NEBL: variants seen among roughly 807,000 people sequenced by gnomAD.
NEBL encodes the protein nebulette, also known as LIM and SH3 protein 2.
A neutral mutation model predicts 140.2 loss-of-function variants in NEBL; 122 were observed. The ratio of observed to expected loss-of-function variants is 0.87; its 90% CI spans 0.75 to 1.01. NEBL has a LOEUF of 1.01. Among genes scored for constraint, NEBL ranks in the 50% least tolerant of loss-of-function variants. The probability of loss-of-function intolerance (pLI) is 0.00; values close to 1 mark genes in which losing one functional copy is unlikely to be tolerated. For missense variants in NEBL, 1,365 were observed against 1,231.3 expected, an observed-to-expected ratio of 1.11 and a Z score of -1.62; for synonymous variants, 436 against 398.9, an observed-to-expected ratio of 1.09 and a Z score of -1.11.
At chr10:21,077,331 G>A (rs998702274) in intron 2 of NEBL, among the ~76,000 whole-genome samples, 3 of 152,094 alleles carry the variant, frequency 2.0e-5, no homozygotes, top group African/African-American at 4.8e-5. Context: ...CTGGCCGGGC[G>A]CAGTGGCTCA....
chr10:21,272,118 A>ATTTTTTTTTTTTTTTTTTTTTT (rs10678454), intron 1 of NEBL, among the ~76,000 whole-genome samples: 8 of 79,096 alleles, frequency 1.0e-4, no homozygotes, highest in Non-Finnish European at 9.3e-5. Flanking sequence ...CACTTGGTTA[A>ATTTTTTTTTTTTTTTTTTTTTT]TTTTTTTTTT....
At chr10:21,144,705 A>T (rs1839809552) in intron 2 of NEBL, among the ~76,000 whole-genome samples, 1 of 152,016 alleles carries the variant, frequency 6.6e-6, no homozygotes, top group East Asian at 1.9e-4. Flanking sequence ...CCAGCCTGGG[A>T]GACAGAGTGA....
At chr10:21,122,343 T>A (rs1838620156) in intron 2 of NEBL, among the ~76,000 whole-genome samples, 2 of 151,810 alleles carry the variant, frequency 1.3e-5, no homozygotes, top group Non-Finnish European at 2.9e-5. Context: ...CTCCCACTGT[T>A]CTATCTTGCC....
intron 2 of NEBL, among the ~76,000 whole-genome samples, chr10:21,137,390 G>A (rs1221341428): frequency 2.0e-5 from 3 of 152,154 alleles, no homozygotes; most frequent in Non-Finnish European, 2.9e-5. Context: ...TTAACTGTTC[G>A]TATAGCCTTG....
intron 3 of NEBL, among the ~76,000 whole-genome samples, chr10:21,004,254 C>T (rs1388339651): frequency 6.6e-6 from 1 of 151,822 alleles, no homozygotes; most frequent in Non-Finnish European, 1.5e-5. Context: ...CTCTAAAATG[C>T]AGACATCGTT....
chr10:20,951,686 C>T (rs1835473996), intron 4 of NEBL, among the ~76,000 whole-genome samples: 1 of 152,136 alleles, frequency 6.6e-6, no homozygotes, highest in Non-Finnish European at 1.5e-5. Flanking sequence ...TCTAAAACTT[C>T]ATTGACATTA....
At chr10:21,088,535 CCTT>C (rs1050352945) in intron 2 of NEBL, among the ~76,000 whole-genome samples, 1 of 152,146 alleles carries the variant, frequency 6.6e-6, no homozygotes, top group Admixed American at 6.5e-5. Flanking sequence ...ATCACTCTGA[CCTT>C]CTTTCAATGG....
chr10:21,072,914 C>T (rs1835885200), intron 2 of NEBL, among the ~76,000 whole-genome samples: 1 of 152,132 alleles, frequency 6.6e-6, no homozygotes, highest in Non-Finnish European at 1.5e-5. Flanking sequence ...TTGCTTAAAC[C>T]CAGGAGGTGG....
chr10:21,052,987 T>C (rs1382511619), intron 2 of NEBL, among the ~76,000 whole-genome samples: 1 of 152,178 alleles, frequency 6.6e-6, no homozygotes, highest in Non-Finnish European at 1.5e-5. Flanking sequence ...TATTGTCTAT[T>C]TCAAAACAGC....
intron 4 of NEBL, among the ~76,000 whole-genome samples, chr10:20,912,923 C>T (rs1848391024): frequency 7.0e-6 from 1 of 142,852 alleles, no homozygotes; most frequent in Non-Finnish European, 1.5e-5. Flanking sequence ...CTCTCTGTTA[C>T]CCAGGCTTTA....
intron 19 of NEBL, 130 bp from the exon 20 acceptor site, chr10:20,819,646 T>C: frequency 1.8e-6 from 2 of 1,133,976 alleles, no homozygotes; most frequent in South Asian, 1.3e-5. Flanking sequence ...CAGGATTTCA[T>C]AGTGAAATAT....
chr10:21,228,121 T>C (rs1380937339), intron 3 of NEBL, among the ~76,000 whole-genome samples: 3 of 152,014 alleles, frequency 2.0e-5, no homozygotes, highest in Admixed American at 6.6e-5. Context: ...GGGTTTTTTT[T>C]TTCGAGTTGT....
rs1367657499 is a variant in NEBL, at chr10:21,051,404, G to T, written c.165-31203C>A. Among the ~76,000 whole-genome samples the T allele has an allele frequency of 3.3e-5, 5 of 152,214 alleles. No homozygotes were observed. In the East Asian group the frequency reaches 9.6e-4, roughly 29 times the overall value. On this transcript the variant is annotated intron_variant, in intron 2 of 6. Coordinates refer to the NEBL transcript ENST00000417816. ...AGAGATGTAAAGCAGTAGGGATTTTGTATGTGGTTGAAGTTAGGTTGATAT... is the reference window on the plus strand; with the variant it reads ...AGAGATGTAAAGCAGTAGGGATTTTTTATGTGGTTGAAGTTAGGTTGATAT...
At chr10:20,983,056 A>G (rs1470916521) in intron 3 of NEBL, among the ~76,000 whole-genome samples, 1 of 152,192 alleles carries the variant, frequency 6.6e-6, no homozygotes, top group African/African-American at 2.4e-5. Context: ...ACCCTTGGGA[A>G]CCGAAGAGGG....
intron 24 of NEBL, among the ~76,000 whole-genome samples, chr10:20,811,465 G>A (rs1200763388): frequency 6.6e-6 from 1 of 152,170 alleles, no homozygotes; most frequent in Non-Finnish European, 1.5e-5. Flanking sequence ...CTAATTTGGT[G>A]TCACATTGAA....
intron 4 of NEBL, among the ~76,000 whole-genome samples, chr10:20,908,296 C>A (rs572923754): frequency 5.9e-5 from 9 of 152,312 alleles, no homozygotes; most frequent in African/African-American, 1.9e-4. Context: ...TGGATGGATG[C>A]TTTTTATTCC....
At chr10:21,218,692 C>T (rs1842030767) in intron 3 of NEBL, among the ~76,000 whole-genome samples, 1 of 152,066 alleles carries the variant, frequency 6.6e-6, no homozygotes, top group South Asian at 2.1e-4. Context: ...CACAATTTAT[C>T]GATATCTACA....
upstream of NEBL, among the ~76,000 whole-genome samples, chr10:20,898,830 C>T (rs947007608): frequency 2.0e-5 from 3 of 152,026 alleles, no homozygotes; most frequent in African/African-American, 4.8e-5. Context: ...TACCCACTAC[C>T]CCAGAAAACT....
intron 1 of NEBL, among the ~76,000 whole-genome samples, chr10:21,288,286 A>G (rs1210307387): frequency 3.4e-5 from 5 of 145,498 alleles, no homozygotes; most frequent in Admixed American, 1.4e-4. Flanking sequence ...TGGCCAACAT[A>G]ATGAAACCCT....
Sources: gnomAD v4.1 joint callset for allele counts (sites outside exome capture counted in the v4.1 genomes callset) on GRCh38, gnomAD v4.1.1 for gene constraint, MANE v1.5 for transcripts, NCBI Gene and HGNC (gene_info 2026-07-23, HGNC 2026-07-21) for gene names.